IGDCC4: variants seen among roughly 807,000 people sequenced by gnomAD.
The protein encoded by IGDCC4 is likely ortholog of mouse neighbor of Punc E11.
IGDCC4 carries 72 observed loss-of-function variants against 116.6 expected under a neutral mutation model. That is an observed-to-expected ratio of 0.62 (90% confidence interval 0.51 to 0.75). The LOEUF (loss-of-function observed/expected upper bound fraction) is 0.75. Among genes scored for constraint, IGDCC4 ranks in the 30% least tolerant of loss-of-function variants. The pLI, the probability that IGDCC4 is intolerant of heterozygous loss-of-function variation, is 0.00. For synonymous variants in IGDCC4, 709 were observed against 719.9 expected (o/e 0.98, Z 0.24); for missense variants, 1,501 against 1,662.4 (o/e 0.90, Z 1.69).
At chr15:65,388,029 AGG>A (rs367736892) in intron 16 of IGDCC4, among the ~76,000 whole-genome samples, 14 of 152,092 alleles carry the variant, frequency 9.2e-5, no homozygotes, top group African/African-American at 3.1e-4. Flanking sequence ...GCAGATCACG[AGG>A]TCAGGAGTTT....
Position 65,391,882 on chromosome 15 carries a change from G to T in IGDCC4, c.2222C>A (p.Pro741Gln), listed in dbSNP as rs1477049531. 2.5e-6 allele frequency: 4 copies of T among 1,613,132 alleles called. No homozygotes were observed. Among genetic ancestry groups the T allele is most frequent in the Non-Finnish European group, 3.4e-6 (4 of 1,179,800 alleles). ...WKGKTEKAPAPDMPIQRGPPL... is the reference protein window; with the variant it reads ...WKGKTEKAPAQDMPIQRGPPL... ...CCTTCTTCCCCCACCGCCCTCACCT[G>T]GTGCCGGCGCCTTCTCCGTCTTGCC... Residue 741 changes from proline (P) to glutamine (Q), a missense_variant and splice_region_variant, in exon 12 of 20, where the codon CCA becomes CAA. Physicochemically the swap from Pro to Gln is moderately conservative, Grantham distance 76 (BLOSUM62 -1). This residue lies in a region of IGDCC4 where 235 missense variants were observed against 328.0 expected (regional missense o/e 0.72). Coordinates refer to ENST00000352385, the MANE Select transcript of IGDCC4 (RefSeq NM_020962.3).
Position 65,388,845 on chromosome 15 carries a change from C to T in IGDCC4, c.2670G>A (p.Thr890=), listed in dbSNP as rs1230589163. The change falls in exon 15 of 20, where the codon ACG becomes ACA. Residue 890 remains threonine (T), a synonymous_variant. Transcript: ENST00000352385. ...EYLILYSSNH[T]QPEHQWTLLT... Reference sequence around the variant, plus strand: ...GCAAGGTCCACTGGTGCTCAGGCTGCGTGTGGTTGCTGCTGTACAGGATCA... The same window carrying T: ...GCAAGGTCCACTGGTGCTCAGGCTGTGTGTGGTTGCTGCTGTACAGGATCA... The T allele has an allele frequency of 3.1e-6, 5 of 1,613,920 alleles. No homozygotes were observed. The highest frequency in any genetic ancestry group is 1.7e-5 in the Admixed American group (1 of 60,010).
chr15:65,405,527 A>G (rs2063033069), intron 3 of IGDCC4, among the ~76,000 whole-genome samples: 1 of 151,858 alleles, frequency 6.6e-6, no homozygotes. Flanking sequence ...AAAATGGGTT[A>G]AATAATTCCT....
intron 18 of IGDCC4, chr15:65,385,582 G>A: frequency 1.7e-6 from 1 of 601,516 alleles, no homozygotes; most frequent in Non-Finnish European, 3.0e-6. Context: ...TGGGTGTTCT[G>A]GCTACCCTGG....
chr15:65,388,835 G>A lies in IGDCC4; in HGVS notation c.2680C>T (p.His894Tyr), dbSNP rs1332421654. The change falls in exon 15 of 20, where the codon CAC becomes TAC. Residue 894 changes from histidine to tyrosine, a missense_variant. By Grantham distance (83) the His-to-Tyr change is moderately conservative. Transcript: ENST00000352385. ...TGCGTGGTGAGCAAGGTCCACTGGTGCTCAGGCTGCGTGTGGTTGCTGCTG... is the reference window on the plus strand; with the variant it reads ...TGCGTGGTGAGCAAGGTCCACTGGTACTCAGGCTGCGTGTGGTTGCTGCTG... ...LYSSNHTQPE[H>Y]QWTLLTTQGN... is the part of the protein sequence containing the mutation. The A allele has an allele frequency of 2.5e-6, 4 of 1,613,978 alleles. No individual in the cohort carries two copies. The East Asian group carries it at 8.9e-5, about 36-fold the overall frequency.
intron 1 of IGDCC4, among the ~76,000 whole-genome samples, chr15:65,418,293 A>T (rs2063161499): frequency 6.6e-6 from 1 of 151,536 alleles, no homozygotes; most frequent in Non-Finnish European, 1.5e-5. Context: ...TGGGGAGATC[A>T]CTACCTTGCC....
chr15:65,410,652 G>A lies in IGDCC4; in HGVS notation c.422-333C>T. ...CTAAGGGGTAAGGCTGGAGCGTGGG[G>A]TTTGGCTCCACATGTTCCACCTGCC... On this transcript the variant is annotated intron_variant, in intron 2 of 19. Coordinates refer to ENST00000352385, the MANE Select transcript of IGDCC4 (RefSeq NM_020962.3). The A allele has an allele frequency of 6.5e-6, 3 of 462,130 alleles. No homozygotes were observed. The South Asian group carries it at 8.1e-5, about 12-fold the overall frequency. 28.6% of individuals were successfully genotyped at this position (462,130 alleles called of 1,614,324 possible). A position where few individuals can be genotyped will look rare whatever the true frequency, so the allele number is the denominator to read the frequency against.
At chr15:65,403,158 T>G (rs2063006187) in intron 3 of IGDCC4, among the ~76,000 whole-genome samples, 1 of 152,216 alleles carries the variant, frequency 6.6e-6, no homozygotes. Context: ...ACCCAAGTGT[T>G]CATCTGCAGG....
intron 5 of IGDCC4, 75 bp downstream of exon 5, chr15:65,400,731 C>T (rs1316613586): frequency 1.3e-6 from 2 of 1,515,368 alleles, no homozygotes; most frequent in African/African-American, 1.4e-5. Flanking sequence ...CCCATACATC[C>T]CCCTGACTTA....
intron 6 of IGDCC4, 53 bp from the exon 7 acceptor site, chr15:65,396,216 G>GCCCCTCCCCCCCCCCC: frequency 1.7e-6 from 2 of 1,188,160 alleles, no homozygotes; most frequent in Non-Finnish European, 2.1e-6. Flanking sequence ...TAAGGTCTCT[G>GCCCCTCCCCCCCCCCC]CCCCCCCCCC....
chr15:65,417,573 C>T (rs776579852), intron 1 of IGDCC4, among the ~76,000 whole-genome samples: 1 of 152,206 alleles, frequency 6.6e-6, no homozygotes, highest in Non-Finnish European at 1.5e-5. Flanking sequence ...CGCTGGCACC[C>T]CCATCATCGC....
At chr15:65,400,717 G>T in intron 5 of IGDCC4, 89 bp downstream of exon 5, 1 of 1,476,838 alleles carries the variant, frequency 6.8e-7, no homozygotes, top group Non-Finnish European at 9.1e-7. Context: ...CCACTGGGTC[G>T]TCACCCATAC....
intron 3 of IGDCC4, among the ~76,000 whole-genome samples, chr15:65,406,909 G>A (rs2063045848): frequency 1.3e-5 from 2 of 152,164 alleles, no homozygotes; most frequent in South Asian, 4.1e-4. Flanking sequence ...CTGGTGTGCT[G>A]AGAAGCTTTG....
chr15:65,388,321 C>G, intron 16 of IGDCC4, 128 bp downstream of exon 16: 1 of 1,245,788 alleles, frequency 8.0e-7, no homozygotes, highest in Non-Finnish European at 1.1e-6. Context: ...ACCTATTTCC[C>G]CTTCACATTT....
chr15:65,393,984 C>T lies in IGDCC4; in HGVS notation c.1714+427G>A, dbSNP rs2062894017. Among the ~76,000 whole-genome samples, 1 of 152,152 alleles carries T rather than the reference C, an allele frequency of 6.6e-6. No homozygotes were observed. The highest frequency in any genetic ancestry group is 2.4e-5 in the African/African-American group (1 of 41,434). On this transcript the variant is annotated intron_variant, in intron 9 of 19. Transcript: ENST00000352385. The surrounding 1 kb of genome is among the most constrained non-coding windows in gnomAD (Gnocchi z 4.6). Reference sequence around the variant, plus strand: ...CTTCCCCTGGTCCCTCAGCTACCTTCCTCCTCCTAACTTTTTATCCTTTTA... The same window carrying T: ...CTTCCCCTGGTCCCTCAGCTACCTTTCTCCTCCTAACTTTTTATCCTTTTA...
At chr15:65,411,698 A>C (rs1234997730) in intron 1 of IGDCC4, among the ~76,000 whole-genome samples, 1 of 152,274 alleles carries the variant, frequency 6.6e-6, no homozygotes, top group Non-Finnish European at 1.5e-5. Flanking sequence ...AGGTAGCAAG[A>C]AAACTTGACG....
rs763885453 is a variant in IGDCC4 at position 65,392,122 on chromosome 15, A to G, written c.2122+12T>C. ...TACATCCCTCCCTCCCCCTCCCCCC[A>G]GCCCTCCTCACCTAGCTGGGTCAGC... On this transcript the variant is annotated intron_variant, in intron 11 of 19. Transcript: ENST00000352385. 5 of 1,050,864 alleles carry G rather than the reference A, an allele frequency of 4.8e-6. No homozygotes were observed. The allele number at this position is 1,050,864 out of a possible 1,614,324, so 65.1% of individuals were successfully genotyped here. A position where few individuals can be genotyped will look rare whatever the true frequency, so the allele number is the denominator to read the frequency against.
chr15:65,402,389 T>C lies in IGDCC4; in HGVS notation c.662A>G (p.His221Arg). 2 of 1,571,338 alleles carry C rather than the reference T, an allele frequency of 1.3e-6. No homozygotes were observed. Among genetic ancestry groups the C allele is most frequent in the Non-Finnish European group, 1.7e-6 (2 of 1,157,304 alleles). The change falls in exon 4 of 20, where the codon CAC becomes CGC. Residue 221 changes from histidine to arginine, a missense_variant. Physicochemically the swap from His to Arg is conservative, Grantham distance 29. Around this residue, in one of 3 missense-constraint regions of IGDCC4, gnomAD observed 898 missense variants for 978.9 expected, o/e 0.92. Transcript: ENST00000352385. ...ACTGAGTAGGGCCTCCTGGCTGAAG[T>C]GCTGGCGAGCTGAGTTGGTGGCCAC... ...RCVATNSARQ[H>R]FSQEALLSVA...
chr15:65,388,300 C>T lies in IGDCC4; in HGVS notation c.2845+149G>A, dbSNP rs1298781083. 4.9e-6 allele frequency: 5 copies of T among 1,021,620 alleles called. No homozygotes were observed. The East Asian group carries it at 1.2e-4, about 25-fold the overall frequency. 63.3% of individuals were successfully genotyped at this position (1,021,620 alleles called of 1,614,324 possible). On this transcript the variant is annotated intron_variant, in intron 16 of 19. Transcript: ENST00000352385. ...GAACCTGGCCTCTGAATCAAGTTAT[C>T]ACTGAACCACACCTATTTCCCCTTC...
Sources: gnomAD v4.1 joint callset for allele counts (sites outside exome capture counted in the v4.1 genomes callset) on GRCh38, gnomAD v4.1.1 for gene constraint, gnomAD v4.1.1 regional missense constraint, Gnocchi (gnomAD v3.1) non-coding constraint, MANE v1.5 for transcripts, NCBI Gene and HGNC (gene_info 2026-07-23, HGNC 2026-07-21) for gene names.